Variants in CSMD1 observed in about 807,000 individuals in gnomAD.
CSMD1 encodes CUB and sushi domain-containing protein 1.
CSMD1 carries 213 observed loss-of-function variants against 417.5 expected under a neutral mutation model. The observed-to-expected ratio is 0.51, with a 90% confidence interval of 0.46 to 0.57. The LOEUF (loss-of-function observed/expected upper bound fraction) is 0.57, where lower values mean the gene tolerates loss of function less well. Among genes scored for constraint, CSMD1 ranks in the 20% least tolerant of loss-of-function variants. The pLI, the probability that CSMD1 is intolerant of heterozygous loss-of-function variation, is 0.00. For synonymous variants in CSMD1, 2,862 were observed against 1,736.8 expected (o/e 1.65, Z -16.11); for missense variants, 6,923 against 4,529.7 (o/e 1.53, Z -15.17).
At chr8:3,911,467 G>A (rs1205614167) in intron 5 of CSMD1, among the ~76,000 whole-genome samples, 2 of 151,016 alleles carry the variant, frequency 1.3e-5, no homozygotes, top group Non-Finnish European at 1.5e-5. Flanking sequence ...GGCGGAGCCT[G>A]CAGTGAGCCA....
intron 5 of CSMD1, among the ~76,000 whole-genome samples, chr8:3,995,374 T>C (rs1266243299): frequency 1.4e-5 from 2 of 145,778 alleles, no homozygotes; most frequent in Non-Finnish European, 1.6e-5. Flanking sequence ...ATGTTACACA[T>C]ACACACAAAA....
chr8:4,767,813 C>T (rs1051901988), intron 1 of CSMD1, among the ~76,000 whole-genome samples: 3 of 152,068 alleles, frequency 2.0e-5, no homozygotes, highest in African/African-American at 7.2e-5. Flanking sequence ...CTTATTTACC[C>T]GAGGCACTGG....
intron 27 of CSMD1, among the ~76,000 whole-genome samples, chr8:3,227,390 T>C (rs1169294531): frequency 2.6e-5 from 4 of 152,050 alleles, no homozygotes; most frequent in Non-Finnish European, 5.9e-5. Context: ...TGAGTGAGAC[T>C]CTACCTCAAA....
chr8:3,589,966 G>T (rs1800776027), intron 8 of CSMD1, among the ~76,000 whole-genome samples: 1 of 3,140 alleles, frequency 3.2e-4, no homozygotes, highest in Admixed American at 2.8e-3. Context: ...GAAATTTCTG[G>T]TGATATTCTT....
chr8:3,597,872 A>C (rs1801168800), intron 8 of CSMD1, among the ~76,000 whole-genome samples: 1 of 152,216 alleles, frequency 6.6e-6, no homozygotes, highest in Non-Finnish European at 1.5e-5. Context: ...GCATTAGCAG[A>C]AATACCTAAT....
chr8:3,436,958 G>A (rs1208353306), intron 12 of CSMD1, among the ~76,000 whole-genome samples: 1 of 152,054 alleles, frequency 6.6e-6, no homozygotes, highest in Non-Finnish European at 1.5e-5. Flanking sequence ...AAAAAAAAGA[G>A]AGAAAAAAGC....
intron 2 of CSMD1, among the ~76,000 whole-genome samples, chr8:4,462,152 G>C (rs1462572202): frequency 6.6e-6 from 1 of 152,068 alleles, no homozygotes; most frequent in African/African-American, 2.4e-5. Context: ...TGGGATTACA[G>C]GTGTGAGCCA....
chr8:3,596,653 T>C (rs892289783), intron 8 of CSMD1, among the ~76,000 whole-genome samples: 1 of 152,154 alleles, frequency 6.6e-6, no homozygotes, highest in African/African-American at 2.4e-5. Flanking sequence ...TATTTATCCT[T>C]CACATCTGGT....
intron 2 of CSMD1, among the ~76,000 whole-genome samples, chr8:4,456,382 T>A (rs770979665): frequency 6.6e-6 from 1 of 152,164 alleles, no homozygotes; most frequent in Non-Finnish European, 1.5e-5. Flanking sequence ...ACTAATCAAA[T>A]AGCTAGGTAT....
chr8:4,384,353 G>C (rs531856023), intron 3 of CSMD1, among the ~76,000 whole-genome samples: 1 of 152,170 alleles, frequency 6.6e-6, no homozygotes, highest in South Asian at 2.1e-4. Flanking sequence ...ACAATGCAAC[G>C]CATCTGAGGC....
chr8:3,284,548 G>A (rs1307933114), intron 25 of CSMD1: 1 of 575,328 alleles, frequency 1.7e-6, no homozygotes, highest in Non-Finnish European at 3.1e-6. Flanking sequence ...AAAGCACACA[G>A]GACCTCAGTC....
intron 50 of CSMD1, among the ~76,000 whole-genome samples, chr8:3,035,559 G>A (rs1327640120): frequency 6.6e-6 from 1 of 152,108 alleles, no homozygotes; most frequent in Non-Finnish European, 1.5e-5. Context: ...TCCAAGCATA[G>A]TTTCAGGAAT....
intron 1 of CSMD1, among the ~76,000 whole-genome samples, chr8:4,663,876 G>C (rs1051428396): frequency 6.6e-6 from 1 of 152,168 alleles, no homozygotes; most frequent in Non-Finnish European, 1.5e-5. Context: ...GGCTGGATCA[G>C]GAAAAGCATC....
intron 37 of CSMD1, among the ~76,000 whole-genome samples, chr8:3,177,522 G>T (rs941585200): frequency 2.6e-5 from 4 of 152,158 alleles, no homozygotes; most frequent in Non-Finnish European, 5.9e-5. Context: ...TCTATAAAAG[G>T]TGTGTTTCAA....
At chr8:3,241,779 C>G (rs1251464438) in intron 26 of CSMD1, among the ~76,000 whole-genome samples, 2 of 152,048 alleles carry the variant, frequency 1.3e-5, no homozygotes, top group Non-Finnish European at 2.9e-5. Context: ...GGGTTTGTCT[C>G]ACAGTGGAGG....
intron 2 of CSMD1, among the ~76,000 whole-genome samples, chr8:4,432,559 C>G (rs1174642104): frequency 1.3e-5 from 2 of 152,224 alleles, no homozygotes; most frequent in Non-Finnish European, 1.5e-5. Flanking sequence ...ATAAAACACC[C>G]TTATGACTTA....
intron 1 of CSMD1, among the ~76,000 whole-genome samples, chr8:4,710,697 T>A (rs1459532102): frequency 6.6e-6 from 1 of 151,326 alleles, no homozygotes; most frequent in Admixed American, 6.6e-5. Context: ...TACAAAAAAT[T>A]AGCCCAGCAT....
intron 3 of CSMD1, among the ~76,000 whole-genome samples, chr8:4,402,389 A>T (rs547554436): frequency 3.3e-5 from 5 of 151,274 alleles, no homozygotes; most frequent in African/African-American, 1.2e-4. Context: ...TCTGGCTCTG[A>T]CCTCTCCGCT....
At chr8:3,378,303 C>T (rs1008206795) in intron 18 of CSMD1, among the ~76,000 whole-genome samples, 34 of 152,108 alleles carry the variant, frequency 2.2e-4, no homozygotes, top group Non-Finnish European at 4.4e-5. Context: ...GATTCACAGT[C>T]GAATTCTCCC....
Sources: allele counts gnomAD v4.1 joint callset (sites outside exome capture counted in the v4.1 genomes callset), GRCh38; gene constraint gnomAD v4.1.1; transcripts MANE v1.5; gene names NCBI Gene and HGNC (gene_info 2026-07-23, HGNC 2026-07-21).